Variants in PDE8B observed in about 807,000 individuals in gnomAD.
The protein encoded by PDE8B is phosphodiesterase 8B.
PDE8B carries 26 observed loss-of-function variants against 101.3 expected under a neutral mutation model. The observed-to-expected ratio is 0.26, with a 90% CI of 0.19 to 0.36. PDE8B has a LOEUF of 0.36. Among genes scored for constraint, PDE8B ranks in the 10% least tolerant of loss-of-function variants. PDE8B has a pLI of 1.00. For missense variants in PDE8B, 810 were observed against 1,163.1 expected (o/e 0.70, Z 4.42); for synonymous variants, 424 against 429.3 (o/e 0.99, Z 0.15).
At chr5:77,229,412 T>G (rs1753089869) in intron 1 of PDE8B, among the ~76,000 whole-genome samples, 2 of 152,238 alleles carry the variant, frequency 1.3e-5, no homozygotes, top group Admixed American at 1.3e-4. Context: ...TAAAGTGTCA[T>G]GTAACTGACT....
intron 1 of PDE8B, among the ~76,000 whole-genome samples, chr5:77,287,405 G>A (rs1273017146): frequency 6.6e-6 from 1 of 150,940 alleles, no homozygotes; most frequent in African/African-American, 2.4e-5. Context: ...GCTTTTACCA[G>A]TTCTTCTTTA....
rs907473063 is a variant in PDE8B at position 77,262,164 on chromosome 5, CAG to C, written c.340-49829_340-49828del. ...AATGGAAAGATCCTGCGTATGGGAACAGGGGTGGCACTAGTGAGTGTGCCTGG... is the reference window on the plus strand; with the variant it reads ...AATGGAAAGATCCTGCGTATGGGAACGGGTGGCACTAGTGAGTGTGCCTGG... On this transcript the variant is annotated intron_variant, in intron 1 of 21. Transcript: ENST00000264917. Among the ~76,000 whole-genome samples, 20 of 151,694 alleles carry C rather than the reference CAG, an allele frequency of 1.3e-4. 1 individual carries two copies. The highest frequency in any genetic ancestry group is 4.4e-4 in the African/African-American group (18 of 41,292).
At chr5:77,338,053 CTT>C (rs1778512605) in intron 6 of PDE8B, among the ~76,000 whole-genome samples, 1 of 152,190 alleles carries the variant, frequency 6.6e-6, no homozygotes, top group Non-Finnish European at 1.5e-5. Flanking sequence ...GGAGGAGGCT[CTT>C]CTCCACCCGT....
intron 1 of PDE8B, among the ~76,000 whole-genome samples, chr5:77,283,714 A>G (rs1322904190): frequency 6.6e-6 from 1 of 152,208 alleles, no homozygotes; most frequent in African/African-American, 2.4e-5. Flanking sequence ...AGAATGTACC[A>G]CAGTTTATTT....
the PDE8B span, chr5:77,151,114 A>G: frequency 2.0e-5 from 3 of 152,226 alleles, no homozygotes; most frequent in East Asian, 1.9e-4. Flanking sequence ...AGCCTCCTTT[A>G]TAAGTAGATT....
the PDE8B span, among the ~76,000 whole-genome samples, chr5:77,183,086 C>A: frequency 2.0e-5 from 3 of 149,606 alleles, no homozygotes; most frequent in Admixed American, 2.0e-4. Flanking sequence ...ATCCTATCAA[C>A]ACCTTCTGAA....
At chr5:77,245,398 T>C (rs1026156125) in intron 1 of PDE8B, among the ~76,000 whole-genome samples, 2 of 152,268 alleles carry the variant, frequency 1.3e-5, no homozygotes, top group African/African-American at 4.8e-5. Context: ...TGTGACTTTA[T>C]ATGCAAGATA....
the PDE8B span, among the ~76,000 whole-genome samples, chr5:77,161,806 G>A: frequency 2.0e-5 from 3 of 151,834 alleles, no homozygotes; most frequent in African/African-American, 4.8e-5. Context: ...TTTAATATTC[G>A]CCATTCTAGC....
At chr5:77,138,409 G>A in the PDE8B span, among the ~76,000 whole-genome samples, 2 of 152,162 alleles carry the variant, frequency 1.3e-5, no homozygotes, top group African/African-American at 4.8e-5. Context: ...CCCATAGCTT[G>A]TATATTTCAA....
At chr5:77,333,598 T>C (rs1777559324) in intron 5 of PDE8B, among the ~76,000 whole-genome samples, 1 of 152,188 alleles carries the variant, frequency 6.6e-6, no homozygotes, top group Admixed American at 6.5e-5. Context: ...CCTTTTGGAA[T>C]TCTACCTTTA....
chr5:77,211,257 G>T lies in PDE8B; in HGVS notation c.332G>T (p.Ser111Ile). 6.4e-7 allele frequency: 1 copy of T among 1,570,312 alleles called. No homozygotes were observed. The highest frequency in any genetic ancestry group is 8.6e-7 in the Non-Finnish European group (1 of 1,166,482). ...GCCGAGACTCAGACCTGCTACACCA[G>T]CGTGAAGGTAAATGCCCCGCGCTGG... The part of the protein sequence containing the change: ...AEAETQTCYT[S>I]VKQVSSAEVR... The change falls in exon 1 of 22, where the codon AGC (serine) becomes ATC (isoleucine). Residue 111 changes from serine to isoleucine, a missense_variant. By Grantham distance (142) the Ser-to-Ile change is moderately radical (BLOSUM62 -2). Coordinates refer to ENST00000264917, the MANE Select transcript of PDE8B (RefSeq NM_003719.5). This position sits in a 1 kb window ranked among gnomAD's most constrained non-coding sequence, Gnocchi z 4.1.
chr5:77,213,523 G>A (rs925461522), intron 1 of PDE8B, among the ~76,000 whole-genome samples: 1 of 152,170 alleles, frequency 6.6e-6, no homozygotes. Context: ...TTTTGTTGCT[G>A]AGATAATTTT....
chr5:77,290,427 C>A, intron 1 of PDE8B: 3 of 1,440,344 alleles, frequency 2.1e-6, no homozygotes, highest in Non-Finnish European at 2.9e-6. Context: ...AAGAGTCCGA[C>A]AGGCCAGTGT....
the PDE8B span, among the ~76,000 whole-genome samples, chr5:77,196,686 T>C: frequency 6.6e-6 from 1 of 152,306 alleles, no homozygotes; most frequent in East Asian, 1.9e-4. Flanking sequence ...CTTTGGTATT[T>C]GGATAATGAT....
chr5:77,254,028 T>C lies in PDE8B; in HGVS notation c.339+42764T>C, dbSNP rs557168397. Among the ~76,000 whole-genome samples, 3 of 152,250 alleles carry C rather than the reference T, an allele frequency of 2.0e-5. No homozygotes were observed. The South Asian group carries it at 6.2e-4, about 32-fold the overall frequency. ...TATGGCCTAAAAGATTACTAAAAAG[T>C]AATGCATTGGGACTTTGTGTGGAAC... On this transcript the variant is annotated intron_variant, in intron 1 of 21. Transcript: ENST00000264917.
chr5:77,294,214 C>G (rs933161632), intron 1 of PDE8B, among the ~76,000 whole-genome samples: 17 of 152,136 alleles, frequency 1.1e-4, no homozygotes, highest in African/African-American at 3.9e-4. Flanking sequence ...GAGTATATGT[C>G]TATAAACTAA....
intron 1 of PDE8B, among the ~76,000 whole-genome samples, chr5:77,257,955 T>C (rs1443283650): frequency 6.6e-6 from 1 of 152,022 alleles, no homozygotes; most frequent in Non-Finnish European, 1.5e-5. Flanking sequence ...AAAAGAAAAG[T>C]GCAAGGATCC....
Position 77,394,280 on chromosome 5 carries a change from G to A in PDE8B, c.1168-5968G>A, listed in dbSNP as rs532520141. On this transcript the variant is annotated intron_variant, in intron 10 of 21. Transcript: ENST00000264917. ...GTGAGGGAGCTGTTTGTCAGGCACTGTAGAATCCAGCAGCTCCTCACACAG... is the reference window on the plus strand; with the variant it reads ...GTGAGGGAGCTGTTTGTCAGGCACTATAGAATCCAGCAGCTCCTCACACAG... 3.3e-5 allele frequency among the ~76,000 whole-genome samples: 5 copies of A among 152,216 alleles called. No homozygotes were observed. In the South Asian group the frequency reaches 1.0e-3, roughly 32 times the overall value.
the PDE8B span, among the ~76,000 whole-genome samples, chr5:77,091,805 C>T: frequency 5.3e-5 from 8 of 152,068 alleles, no homozygotes; most frequent in African/African-American, 1.9e-4. Context: ...CTTTGAGTGT[C>T]TAAAAGAATC....
Sources: allele counts gnomAD v4.1 joint callset (sites outside exome capture counted in the v4.1 genomes callset), GRCh38; gene constraint gnomAD v4.1.1; non-coding constraint Gnocchi (gnomAD v3.1); transcripts MANE v1.5; gene names NCBI Gene and HGNC (gene_info 2026-07-23, HGNC 2026-07-21).